AGO1: variants seen among roughly 807,000 people sequenced by gnomAD.
The protein encoded by AGO1 is argonaute RISC component 1.
AGO1 carries 11 observed loss-of-function variants against 109.2 expected under a neutral mutation model. That is an observed-to-expected ratio of 0.10 (90% CI 0.06 to 0.17). The LOEUF is 0.17. Among genes scored for constraint, AGO1 ranks in the 10% least tolerant of loss-of-function variants. AGO1 has a pLI of 1.00. For missense variants in AGO1, 574 were observed against 1,140.3 expected, an observed-to-expected ratio of 0.50 and a Z score of 7.15; for synonymous variants, 422 against 418.6, an observed-to-expected ratio of 1.01 and a Z score of -0.10.
chr1:35,913,270 C>T (rs911379975), intron 12 of AGO1, among the ~76,000 whole-genome samples: 5 of 151,216 alleles, frequency 3.3e-5, no homozygotes, highest in Admixed American at 1.3e-4. Flanking sequence ...CCACCCGCCT[C>T]GGCCTCCCAA....
chr1:35,881,201 C>T (rs1016670863), upstream of AGO1, among the ~76,000 whole-genome samples: 2 of 152,314 alleles, frequency 1.3e-5, no homozygotes, highest in East Asian at 1.9e-4. Flanking sequence ...GTCCCCAGAT[C>T]GGCAGCATCA....
intron 11 of AGO1, among the ~76,000 whole-genome samples, chr1:35,906,263 G>T (rs1368426598): frequency 6.6e-6 from 1 of 152,146 alleles, no homozygotes; most frequent in African/African-American, 2.4e-5. Context: ...ATCACTGTTG[G>T]AACCTCATTT....
intron 2 of AGO1, among the ~76,000 whole-genome samples, chr1:35,891,803 A>G (rs1226044121): frequency 6.6e-6 from 1 of 151,994 alleles, no homozygotes; most frequent in Admixed American, 6.6e-5. Flanking sequence ...GAGCTCAAGC[A>G]AATTGCCCGC....
intron 2 of AGO1, among the ~76,000 whole-genome samples, chr1:35,890,156 G>T (rs1350163842): frequency 6.6e-6 from 1 of 151,850 alleles, no homozygotes; most frequent in Admixed American, 6.6e-5. Flanking sequence ...CCTAGTAGCT[G>T]GGATTACAGG....
intron 16 of AGO1, 95 bp from the exon 17 acceptor site, chr1:35,918,227 C>T (rs1314924259): frequency 1.0e-6 from 1 of 1,001,746 alleles, no homozygotes; most frequent in African/African-American, 1.6e-5. Context: ...TGGCTTTGTT[C>T]TTGGGATTTT....
upstream of AGO1, among the ~76,000 whole-genome samples, chr1:35,879,463 A>T (rs1645018017): frequency 6.6e-6 from 1 of 151,152 alleles, no homozygotes; most frequent in Non-Finnish European, 1.5e-5. Context: ...AAAAATAAAA[A>T]AAAGTAAAAT....
chr1:35,899,358 A>G (rs1008363844), intron 8 of AGO1, among the ~76,000 whole-genome samples: 1 of 152,154 alleles, frequency 6.6e-6, no homozygotes, highest in Non-Finnish European at 1.5e-5. Flanking sequence ...CAGAGATGTA[A>G]AAATATTTGT....
rs1645244681 is a variant in AGO1 at position 35,892,744 on chromosome 1, C to T, written c.330+67C>T. 7 of 1,602,070 alleles carry T rather than the reference C, an allele frequency of 4.4e-6. No homozygotes were observed. In the South Asian group the frequency reaches 6.6e-5, roughly 15 times the overall value. On this transcript the variant is annotated intron_variant, in intron 3 of 18. Coordinates refer to ENST00000373204, the MANE Select transcript of AGO1 (RefSeq NM_012199.5). ...GGTAGAACCAAGCTCATGTAAGCCT[C>T]TTTGGAGATCCAGAGATCCTTTTCA...
intron 1 of AGO1, among the ~76,000 whole-genome samples, chr1:35,887,943 C>A (rs1256264555): frequency 6.6e-6 from 1 of 152,156 alleles, no homozygotes; most frequent in East Asian, 1.9e-4. Flanking sequence ...TCCAGCCTGG[C>A]CTTGTCTGGA....
chr1:35,895,212 C>T lies in AGO1; in HGVS notation c.963C>T (p.Pro321=), dbSNP rs909137877. 1 of 1,614,090 alleles carries T rather than the reference C, an allele frequency of 6.2e-7. No individual in the cohort carries two copies. Among genetic ancestry groups the T allele is most frequent in the Non-Finnish European group, 8.5e-7 (1 of 1,180,000 alleles). ...AATATAACCTTCAGCTCAAGTATCC[C>T]CATCTGCCCTGCCTACAAGTTGGCC... is the stretch of plus-strand genomic sequence containing the variant. ...KQKYNLQLKY[P]HLPCLQVGQE... is the part of the protein sequence containing the mutation. The change falls in exon 8 of 19, where the codon CCC becomes CCT. Residue 321 remains proline (P), a synonymous_variant. Transcript: ENST00000373204.
chr1:35,905,076 A>C (rs1645494949), intron 11 of AGO1, among the ~76,000 whole-genome samples: 1 of 152,214 alleles, frequency 6.6e-6, no homozygotes, highest in Admixed American at 6.5e-5. Context: ...CATCTTAAAC[A>C]TCTCACAATA....
At chr1:35,906,770 T>C (rs916081306) in intron 11 of AGO1, among the ~76,000 whole-genome samples, 165 bp from the exon 12 acceptor site, 2 of 151,320 alleles carry the variant, frequency 1.3e-5, no homozygotes, top group African/African-American at 4.9e-5. Context: ...ATTGTGCCAT[T>C]GTACTCCATC....
intron 7 of AGO1, 24 bp from the exon 8 acceptor site, chr1:35,895,098 C>A: frequency 1.9e-6 from 3 of 1,592,888 alleles, no homozygotes; most frequent in Non-Finnish European, 2.6e-6. Flanking sequence ...TATGACACCC[C>A]CTTCCTTCCC....
Position 35,876,555 on chromosome 1 carries a change from T to C in AGO1, c.-201+6652T>C, listed in dbSNP as rs892840662. Among the ~76,000 whole-genome samples, 5 of 152,284 alleles carry C rather than the reference T, an allele frequency of 3.3e-5. No individual in the cohort carries two copies. In the East Asian group the frequency reaches 5.8e-4, roughly 18 times the overall value. On this transcript the variant is annotated intron_variant, in intron 1 of 18. Coordinates refer to the AGO1 transcript ENST00000373206. ...TGCTGGGATTACAGGTGTGAGCCAC[T>C]GTGCCCGGCTGGAAATCCTTCTTAT...
At position 35,901,980 on chromosome 1, in the gene AGO1, C is replaced by T. The variant is rs72661614; in HGVS notation, c.1173C>T (p.Tyr391=). 3,396 of 1,608,620 alleles carry T rather than the reference C, an allele frequency of 2.1e-3. 9 individuals carry two copies. Among genetic ancestry groups the T allele is most frequent in the Non-Finnish European group, 2.7e-3 (3,134 of 1,177,384 alleles). The change falls in exon 10 of 19, where the codon TAC becomes TAT. Residue 391 remains tyrosine, a synonymous_variant. Coordinates refer to ENST00000373204, the MANE Select transcript of AGO1 (RefSeq NM_012199.5). This position sits in a 1 kb window ranked among gnomAD's most constrained non-coding sequence, Gnocchi z 4.8. ...ATGCCAGCTACAACTTAGATCCCTACATCCAGGAATTTGGGATCAAAGTGA... is the reference window on the plus strand; with the variant it reads ...ATGCCAGCTACAACTTAGATCCCTATATCCAGGAATTTGGGATCAAAGTGA... ...MKNASYNLDP[Y]IQEFGIKVKD... is the part of the protein sequence containing the mutation.
Position 35,919,726 on chromosome 1 carries a change from C to A in AGO1, c.*119C>A. On this transcript the variant is annotated 3_prime_UTR_variant, in exon 19 of 19. Coordinates refer to ENST00000373204, the MANE Select transcript of AGO1 (RefSeq NM_012199.5). The surrounding 1 kb of genome is among the most constrained non-coding windows in gnomAD (Gnocchi z 6.6). ...GTGGGGTAGGGAGGAGTGTAGGATG[C>A]CTTGTTTCCTTCTATAGAGGTGGTG... 1 of 865,844 alleles carries A rather than the reference C, an allele frequency of 1.2e-6. No homozygotes were observed. Among genetic ancestry groups the A allele is most frequent in the East Asian group, 2.7e-5 (1 of 37,434 alleles). The allele number at this position is 865,844 out of a possible 1,614,324, so 53.6% of individuals were successfully genotyped here. A position where few individuals can be genotyped will look rare whatever the true frequency, so the allele number is the denominator to read the frequency against.
At chr1:35,906,099 T>C (rs1645514729) in intron 11 of AGO1, among the ~76,000 whole-genome samples, 1 of 152,228 alleles carries the variant, frequency 6.6e-6, no homozygotes, top group Non-Finnish European at 1.5e-5. Context: ...TTGATTTTTT[T>C]ACTCTACTGC....
chr1:35,915,014 A>G (rs973124468), intron 14 of AGO1, among the ~76,000 whole-genome samples: 12 of 152,150 alleles, frequency 7.9e-5, no homozygotes, highest in Non-Finnish European at 1.5e-5. Context: ...TTGATTTAGT[A>G]GTGCTAAACC....
At position 35,901,915 on chromosome 1, in the gene AGO1, G is replaced by C. The variant is rs1645423751; in HGVS notation, c.1141-33G>C. ...GGGTGAGCAGTATTGCCAAGCTCCT[G>C]TTCTCCTGAGATTGCTCTCTTTTGT... On this transcript the variant is annotated intron_variant, in intron 9 of 18. Coordinates refer to ENST00000373204, the MANE Select transcript of AGO1 (RefSeq NM_012199.5). The surrounding 1 kb of genome is among the most constrained non-coding windows in gnomAD (Gnocchi z 4.8). 6.4e-7 allele frequency: 1 copy of C among 1,553,612 alleles called. No homozygotes were observed. The highest frequency in any genetic ancestry group is 2.0e-5 in the Admixed American group (1 of 50,202).
Sources: gnomAD v4.1 joint callset for allele counts (sites outside exome capture counted in the v4.1 genomes callset) on GRCh38, gnomAD v4.1.1 for gene constraint, Gnocchi (gnomAD v3.1) non-coding constraint, MANE v1.5 for transcripts, NCBI Gene and HGNC (gene_info 2026-07-23, HGNC 2026-07-21) for gene names.